COL8A1: variants seen among roughly 807,000 people sequenced by gnomAD.
The protein encoded by COL8A1 is collagen alpha-1(VIII) chain.
COL8A1 carries 21 observed loss-of-function variants against 42.7 expected under a neutral mutation model. The ratio of observed to expected loss-of-function variants is 0.49; its 90% CI spans 0.35 to 0.71. The LOEUF is 0.71. COL8A1 is among the 30% of genes least tolerant of loss of function. The pLI, the probability that COL8A1 is intolerant of heterozygous loss-of-function variation, is 0.01. For synonymous variants in COL8A1, 367 were observed against 369.1 expected (o/e 0.99, Z 0.06); for missense variants, 788 against 962.4 (o/e 0.82, Z 2.40).
At chr3:99,787,876 C>CACACACA in intron 2 of COL8A1, among the ~76,000 whole-genome samples, 1 of 46,550 alleles carries the variant, frequency 2.1e-5, no homozygotes, top group Non-Finnish European at 4.1e-5. Flanking sequence ...ACACACACAC[C>CACACACA]CACACCCACA....
At chr3:99,654,088 A>C (rs1171191950) in intron 1 of COL8A1, among the ~76,000 whole-genome samples, 1 of 152,184 alleles carries the variant, frequency 6.6e-6, no homozygotes, top group Non-Finnish European at 1.5e-5. Flanking sequence ...CCAAGACTCC[A>C]AAAGCTGAAG....
intron 1 of COL8A1, among the ~76,000 whole-genome samples, chr3:99,739,716 C>T (rs1940844133): frequency 6.6e-6 from 1 of 152,136 alleles, no homozygotes; most frequent in Admixed American, 6.5e-5. Flanking sequence ...AGCCAGCCCA[C>T]AAAACCATTT....
chr3:99,719,527 G>C (rs1940090717), intron 1 of COL8A1, among the ~76,000 whole-genome samples: 1 of 152,126 alleles, frequency 6.6e-6, no homozygotes, highest in Non-Finnish European at 1.5e-5. Flanking sequence ...TGTCCAGAGT[G>C]ATTGCTCTGC....
chr3:99,757,629 G>T (rs976932043), intron 2 of COL8A1, among the ~76,000 whole-genome samples: 1 of 152,060 alleles, frequency 6.6e-6, no homozygotes, highest in African/African-American at 2.4e-5. Context: ...TATCAGTTCT[G>T]ACCTCATGCT....
At chr3:99,674,758 G>A (rs1384655434) in intron 1 of COL8A1, among the ~76,000 whole-genome samples, 1 of 151,998 alleles carries the variant, frequency 6.6e-6, no homozygotes, top group Non-Finnish European at 1.5e-5. Flanking sequence ...GTTTGAAGTT[G>A]GATCATTTCT....
At chr3:99,710,364 C>T (rs1440349701) in intron 1 of COL8A1, among the ~76,000 whole-genome samples, 1 of 152,142 alleles carries the variant, frequency 6.6e-6, no homozygotes, top group East Asian at 1.9e-4. Flanking sequence ...GCCCACTCCA[C>T]TATCTCCGTC....
At chr3:99,735,753 A>C (rs1940689060) in intron 1 of COL8A1, among the ~76,000 whole-genome samples, 1 of 152,020 alleles carries the variant, frequency 6.6e-6, no homozygotes, top group South Asian at 2.1e-4. Context: ...TACCTCTGGT[A>C]GAATTCGGCT....
intron 1 of COL8A1, among the ~76,000 whole-genome samples, chr3:99,684,084 G>A (rs573771215): frequency 1.3e-5 from 2 of 152,030 alleles, no homozygotes; most frequent in African/African-American, 4.8e-5. Context: ...CAGTGCTCTC[G>A]GGTCTGAAAT....
intron 1 of COL8A1, among the ~76,000 whole-genome samples, chr3:99,724,649 C>A (rs1361256264): frequency 6.6e-6 from 1 of 152,074 alleles, no homozygotes; most frequent in East Asian, 1.9e-4. Flanking sequence ...TCCTCACTGA[C>A]CCAAGAAGAC....
intron 2 of COL8A1, among the ~76,000 whole-genome samples, chr3:99,747,117 A>G (rs912269284): frequency 1.3e-5 from 2 of 152,196 alleles, no homozygotes; most frequent in African/African-American, 2.4e-5. Flanking sequence ...ATGCCCTCCA[A>G]AAGCACAGAA....
chr3:99,754,452 C>G (rs1226661510), intron 2 of COL8A1, among the ~76,000 whole-genome samples: 1 of 150,840 alleles, frequency 6.6e-6, no homozygotes, highest in Non-Finnish European at 1.5e-5. Flanking sequence ...TTCAAATTGT[C>G]TCTCATGTGT....
rs772729370 is a variant in COL8A1 at position 99,795,387 on chromosome 3, C to A, written c.1486C>A (p.Pro496Thr). 1 of 1,564,026 alleles carries A rather than the reference C, an allele frequency of 6.4e-7. No individual in the cohort carries two copies. The highest frequency in any genetic ancestry group is 8.7e-7 in the Non-Finnish European group (1 of 1,153,500). The change falls in exon 4 of 4, where the codon CCC becomes ACC. Residue 496 changes from proline (P) to threonine (T), a missense_variant. Around this residue, in one of 4 missense-constraint regions of COL8A1, gnomAD observed 154 missense variants for 182.3 expected, o/e 0.84. Coordinates refer to ENST00000652472, the MANE Select transcript of COL8A1 (RefSeq NM_020351.4). ...CCCAGGGGATCAGGGTTTACAGGGC[C>A]CCCCAGGTATCCCAGGGATTGGGGG... Reference protein sequence around the residue: ...GIPGDQGLQGPPGIPGIGGPS... With the variant: ...GIPGDQGLQGTPGIPGIGGPS...
chr3:99,675,762 C>T (rs1057054630), intron 1 of COL8A1: 1 of 152,440 alleles, frequency 6.6e-6, no homozygotes, highest in Non-Finnish European at 1.5e-5. Flanking sequence ...CGGTGTGCCT[C>T]AGTTCACCCA....
chr3:99,675,786 T>G (rs2107317843), intron 1 of COL8A1: 1 of 152,570 alleles, frequency 6.6e-6, no homozygotes, highest in African/African-American at 2.4e-5. Flanking sequence ...CATAAGCCTT[T>G]AAACACAAAT....
chr3:99,765,513 T>A (rs1941447341), intron 2 of COL8A1, among the ~76,000 whole-genome samples: 1 of 152,166 alleles, frequency 6.6e-6, no homozygotes. Flanking sequence ...CTAATCCTTT[T>A]TGGAGGCCAA....
chr3:99,737,399 A>T (rs1486041187), intron 1 of COL8A1, among the ~76,000 whole-genome samples: 1 of 151,898 alleles, frequency 6.6e-6, no homozygotes, highest in African/African-American at 2.4e-5. Flanking sequence ...TGCTTCCTTC[A>T]GGAGCTCTTT....
rs895849354 is a variant in COL8A1 at position 99,788,204 on chromosome 3, C to T, written c.-3-2476C>T. Among the ~76,000 whole-genome samples, 11 of 152,054 alleles carry T rather than the reference C, an allele frequency of 7.2e-5. No homozygotes were observed. In the East Asian group the frequency reaches 7.7e-4, roughly 11 times the overall value. On this transcript the variant is annotated intron_variant, in intron 2 of 3. Transcript: ENST00000652472. ...ACCAGGGCCCTTATATAAATATTCACGTTAAAACTGAACAAAGTTTATTTA... is the reference window on the plus strand; with the variant it reads ...ACCAGGGCCCTTATATAAATATTCATGTTAAAACTGAACAAAGTTTATTTA...
At chr3:99,793,940 C>T (rs565664004) in intron 3 of COL8A1, among the ~76,000 whole-genome samples, 25 of 152,148 alleles carry the variant, frequency 1.6e-4, no homozygotes, top group South Asian at 2.1e-4. Flanking sequence ...TTAGTAGAGA[C>T]GCGGTTTCAC....
At chr3:99,679,379 A>G (rs146034574) in intron 1 of COL8A1, 9 of 152,220 alleles carry the variant, frequency 5.9e-5, no homozygotes, top group African/African-American at 1.7e-4. Flanking sequence ...TCTTTATAGG[A>G]TCTCATTACT....
Sources: gnomAD v4.1 joint callset for allele counts (sites outside exome capture counted in the v4.1 genomes callset) on GRCh38, gnomAD v4.1.1 for gene constraint, gnomAD v4.1.1 regional missense constraint, MANE v1.5 for transcripts, NCBI Gene and HGNC (gene_info 2026-07-23, HGNC 2026-07-21) for gene names.